CLSPN: variants seen among roughly 807,000 people sequenced by gnomAD.
CLSPN encodes claspin.
In CLSPN, 85 loss-of-function variants were observed where a neutral mutation model predicts 156.3. The observed-to-expected ratio is 0.54, with a 90% CI of 0.46 to 0.65. The LOEUF (loss-of-function observed/expected upper bound fraction) is 0.65. Among genes scored for constraint, CLSPN ranks in the 30% least tolerant of loss-of-function variants. The pLI, the probability that CLSPN is intolerant of heterozygous loss-of-function variation, is 0.00. For missense variants in CLSPN, 1,407 were observed against 1,554.9 expected, an observed-to-expected ratio of 0.90 and a Z score of 1.60; for synonymous variants, 534 against 542.4, an observed-to-expected ratio of 0.98 and a Z score of 0.22.
At chr1:35,743,034 G>A in intron 18 of CLSPN, 107 bp downstream of exon 18, 1 of 810,584 alleles carries the variant, frequency 1.2e-6, no homozygotes, top group African/African-American at 1.7e-5. Flanking sequence ...TGATCCGCCT[G>A]CTTCAGCCTC....
chr1:35,736,666 A>G (rs1040689508), intron 24 of CLSPN, 60 bp from the exon 25 acceptor site: 2 of 1,539,150 alleles, frequency 1.3e-6, no homozygotes, highest in Non-Finnish European at 8.7e-7. Context: ...ATTTACCTTC[A>G]ATTAGCTCTC....
In CLSPN at chr1:35,733,714, G is replaced by C; in HGVS notation, c.*2782C>G. 1.0e-6 allele frequency: 1 copy of C among 984,892 alleles called. No homozygotes were observed. The highest frequency in any genetic ancestry group is 1.2e-6 in the Non-Finnish European group (1 of 829,476). 61.0% of individuals were successfully genotyped at this position (984,892 alleles called of 1,614,324 possible). A position where few individuals can be genotyped will look rare whatever the true frequency, so the allele number is the denominator to read the frequency against. ...CTGTAACAGGCTGGGCATGGTGGCTGAGCCTGTGACCCCAGCATTTTGGGA... is the reference window on the plus strand; with the variant it reads ...CTGTAACAGGCTGGGCATGGTGGCTCAGCCTGTGACCCCAGCATTTTGGGA... On this transcript the variant is annotated 3_prime_UTR_variant, in exon 25 of 25. Transcript: ENST00000318121.
chr1:35,745,399 G>T, intron 16 of CLSPN, 52 bp downstream of exon 16: 2 of 1,239,768 alleles, frequency 1.6e-6, no homozygotes, highest in Non-Finnish European at 2.4e-6. Flanking sequence ...CAGTTATTTT[G>T]ATTTTATCAA....
In CLSPN at chr1:35,763,300, A is replaced by C. The variant is rs1164681103; in HGVS notation, c.604T>G (p.Phe202Val). ...KNQEDDVEQP[F>V]NDSGCLLVDK... ...ACAAGAAGACAGCCACTGTCATTAA[A>C]TGGCTGTTCTACATCATCTTCCTAA... The change falls in exon 4 of 25, where the codon TTT becomes GTT. Residue 202 changes from phenylalanine (F) to valine (V), a missense_variant. This residue lies in a region of CLSPN where 1,096 missense variants were observed against 1,193.0 expected (regional missense o/e 0.92). Coordinates refer to ENST00000318121, the MANE Select transcript of CLSPN (RefSeq NM_022111.4). 1.9e-6 allele frequency: 3 copies of C among 1,595,858 alleles called. No individual in the cohort carries two copies. The East Asian group carries it at 6.8e-5, about 36-fold the overall frequency.
At position 35,739,208 on chromosome 1, in the gene CLSPN, T is replaced by G; in HGVS notation, c.3358A>C (p.Arg1120=). The change falls in exon 20 of 25, where the codon AGG becomes CGG. Residue 1120 remains arginine, a synonymous_variant. Transcript: ENST00000318121. ...DKRQLRLYQE[R]YLADGDLHSD... is the part of the protein sequence containing the mutation. Reference sequence around the variant, plus strand: ...TGCAGATCCCCATCAGCAAGGTACCTCTCTTGGTATAAACGTAGCTGTCGC... The same window carrying G: ...TGCAGATCCCCATCAGCAAGGTACCGCTCTTGGTATAAACGTAGCTGTCGC... 2 of 1,614,198 alleles carry G rather than the reference T, an allele frequency of 1.2e-6. No homozygotes were observed. The highest frequency in any genetic ancestry group is 1.7e-6 in the Non-Finnish European group (2 of 1,180,024).
At chr1:35,743,664 C>T (rs964142149) in intron 16 of CLSPN, 134 bp from the exon 17 acceptor site, 5 of 644,554 alleles carry the variant, frequency 7.8e-6, no homozygotes, top group African/African-American at 3.7e-5. Context: ...TGGTCTCTTA[C>T]ACCACCTGGA....
chr1:35,725,336 C>T (rs573078613), intron 24 of CLSPN, among the ~76,000 whole-genome samples: 7 of 152,254 alleles, frequency 4.6e-5, no homozygotes, highest in South Asian at 2.1e-4. Flanking sequence ...TGCACTCAAG[C>T]GGTCACCAGG....
chr1:35,766,204 A>G (rs2148628462), intron 1 of CLSPN, among the ~76,000 whole-genome samples: 1 of 151,746 alleles, frequency 6.6e-6, no homozygotes, highest in South Asian at 2.1e-4. Flanking sequence ...CATGCTGGCC[A>G]GGCCGGTTGC....
chr1:35,767,499 A>G (rs555777153), intron 1 of CLSPN, among the ~76,000 whole-genome samples: 10 of 152,326 alleles, frequency 6.6e-5, no homozygotes, highest in African/African-American at 2.4e-4. Flanking sequence ...CCCAATTCCA[A>G]AATATTTGAG....
At chr1:35,751,535 G>C (rs1642087341) in intron 9 of CLSPN, 29 bp from the exon 10 acceptor site, 2 of 1,590,684 alleles carry the variant, frequency 1.3e-6, no homozygotes, top group East Asian at 4.5e-5. Flanking sequence ...AAATGCTTTA[G>C]ACATAATACA....
chr1:35,747,414 A>C (rs1641929698), intron 14 of CLSPN, among the ~76,000 whole-genome samples: 1 of 152,224 alleles, frequency 6.6e-6, no homozygotes, highest in African/African-American at 2.4e-5. Context: ...TAAAAGCTGA[A>C]TCTCAAACCA....
In CLSPN at chr1:35,732,579, A is replaced by G; in HGVS notation, c.*3917T>C. On this transcript the variant is annotated 3_prime_UTR_variant, in exon 25 of 25. Transcript: ENST00000318121. ...AGACCTGTTTAAAGAGGTTAATACCATGTATCCCTACTCAAGTGTATGGAA... is the reference window on the plus strand; with the variant it reads ...AGACCTGTTTAAAGAGGTTAATACCGTGTATCCCTACTCAAGTGTATGGAA... 1.0e-6 allele frequency: 1 copy of G among 985,448 alleles called. No homozygotes were observed. The highest frequency in any genetic ancestry group is 1.1e-4 in the East Asian group (1 of 8,824). The allele number at this position is 985,448 out of a possible 1,614,324, so 61.0% of individuals were successfully genotyped here.
chr1:35,735,274 G>T lies in CLSPN; in HGVS notation c.*1222C>A. The T allele has an allele frequency of 2.0e-6, 2 of 985,350 alleles. No individual in the cohort carries two copies. Among genetic ancestry groups the T allele is most frequent in the Non-Finnish European group, 2.4e-6 (2 of 829,920 alleles). The allele number at this position is 985,350 out of a possible 1,614,324, so 61.0% of individuals were successfully genotyped here. A position where few individuals can be genotyped will look rare whatever the true frequency, so the allele number is the denominator to read the frequency against. ...TTAGAGGCAGAGTCTTTCTGACTTGGGTACCAGTTTAAGTCCTTATTAAGC... is the reference window on the plus strand; with the variant it reads ...TTAGAGGCAGAGTCTTTCTGACTTGTGTACCAGTTTAAGTCCTTATTAAGC... On this transcript the variant is annotated 3_prime_UTR_variant, in exon 25 of 25. Transcript: ENST00000318121.
In CLSPN at chr1:35,732,261, A is replaced by G. The variant is rs115579550; in HGVS notation, c.*4235T>C. The G allele has an allele frequency of 1.2e-3, 1,176 of 985,420 alleles. 9 individuals carry two copies. The African/African-American group carries it at 0.02, about 16-fold the overall frequency. The allele number at this position is 985,420 out of a possible 1,614,324, so 61.0% of individuals were successfully genotyped here. On this transcript the variant is annotated 3_prime_UTR_variant, in exon 25 of 25. Transcript: ENST00000318121. ...ATAGTATCATGGGAACACTCCTCCC[A>G]GAAATACTCTCCTCTATCCTTAGGA...
At chr1:35,738,614 G>A (rs1244565893) in intron 20 of CLSPN, 32 bp from the exon 21 acceptor site, 6 of 1,611,730 alleles carry the variant, frequency 3.7e-6, no homozygotes, top group Non-Finnish European at 5.1e-6. Context: ...TCAGCATTCG[G>A]CAGTCCTCAC....
chr1:35,737,114 G>A (rs1374978544), intron 23 of CLSPN, 39 bp from the exon 24 acceptor site: 1 of 1,593,926 alleles, frequency 6.3e-7, no homozygotes, highest in Non-Finnish European at 8.6e-7. Context: ...AATCCCAAGT[G>A]CCAACTAAAG....
chr1:35,738,081 AT>A lies in CLSPN; in HGVS notation c.3574del (p.Ile1192LeufsTer16). 7.2e-7 allele frequency: 1 copy of A among 1,379,864 alleles called. No homozygotes were observed. The highest frequency in any genetic ancestry group is 9.6e-7 in the Non-Finnish European group (1 of 1,043,510). 85.5% of individuals were successfully genotyped at this position (1,379,864 alleles called of 1,614,324 possible). A position where few individuals can be genotyped will look rare whatever the true frequency, so the allele number is the denominator to read the frequency against. Reference sequence around the variant, plus strand: ...AATTTCTTCTTCTTCTTCAGCTGTAATTTTCCCCTGCTGTGCCTGAAAAAAA... The same window carrying A: ...AATTTCTTCTTCTTCTTCAGCTGTAATTTCCCCTGCTGTGCCTGAAAAAAA... ...WLRDMAQQGK[I>X]TAEEEEEIGE... On this transcript the variant is annotated frameshift_variant, in exon 22 of 25. Coordinates refer to ENST00000318121, the MANE Select transcript of CLSPN (RefSeq NM_022111.4). LOFTEE classifies it high-confidence loss of function.
At position 35,736,218 on chromosome 1, in the gene CLSPN, T is replaced by TTA; in HGVS notation, c.*277_*278insTA. On this transcript the variant is annotated 3_prime_UTR_variant, in exon 25 of 25. Transcript: ENST00000318121. ...GGGCAACAGAGTGAGACTCCCATCT[T>TTA]AAAAAAAAAAAAAAAAAGGAAACCT... is the stretch of plus-strand genomic sequence containing the variant. 2.2e-6 allele frequency: 2 copies of TTA among 895,670 alleles called. No homozygotes were observed. Among genetic ancestry groups the TTA allele is most frequent in the Non-Finnish European group, 2.6e-6 (2 of 756,280 alleles). The allele number at this position is 895,670 out of a possible 1,614,324, so 55.5% of individuals were successfully genotyped here.
At chr1:35,754,170 TCAGA>T (rs1300310583) in intron 8 of CLSPN, among the ~76,000 whole-genome samples, 1 of 152,180 alleles carries the variant, frequency 6.6e-6, no homozygotes, top group Non-Finnish European at 1.5e-5. Flanking sequence ...CTTTAAAAAA[TCAGA>T]CAGAAATTTA....
Sources: allele counts gnomAD v4.1 joint callset (sites outside exome capture counted in the v4.1 genomes callset), GRCh38; gene constraint gnomAD v4.1.1; regional missense constraint gnomAD v4.1.1; transcripts MANE v1.5; gene names NCBI Gene and HGNC (gene_info 2026-07-23, HGNC 2026-07-21).